CPED1: variants seen among roughly 807,000 people sequenced by gnomAD.
CPED1 encodes the protein cadherin-like and PC-esterase domain-containing protein 1.
CPED1 carries 114 observed loss-of-function variants against 128.2 expected under a neutral mutation model. The observed-to-expected ratio is 0.89, with a 90% CI of 0.76 to 1.04. The LOEUF (loss-of-function observed/expected upper bound fraction) is 1.04, where lower values mean the gene tolerates loss of function less well. CPED1 is among the 50% of genes least tolerant of loss of function. CPED1 has a pLI of 0.00. For synonymous variants in CPED1, 462 were observed against 426.7 expected (o/e 1.08, Z -1.02); for missense variants, 1,211 against 1,207.1 (o/e 1.00, Z -0.05).
intron 3 of CPED1, among the ~76,000 whole-genome samples, chr7:121,045,970 T>C (rs770245755): frequency 3.3e-5 from 5 of 152,156 alleles, no homozygotes; most frequent in African/African-American, 4.8e-5. Flanking sequence ...TAGTTATTCA[T>C]GCATTAGTCA....
intron 3 of CPED1, among the ~76,000 whole-genome samples, chr7:121,037,076 C>T (rs985876399): frequency 6.6e-6 from 1 of 152,046 alleles, no homozygotes; most frequent in African/African-American, 2.4e-5. Flanking sequence ...GATTTTCTTT[C>T]CCTCTGTGGA....
At chr7:121,090,543 G>A (rs571629658) in intron 5 of CPED1, among the ~76,000 whole-genome samples, 1 of 152,332 alleles carries the variant, frequency 6.6e-6, no homozygotes, top group East Asian at 1.9e-4. Flanking sequence ...AGTTGCCTAT[G>A]TTAAGGCTAG....
In CPED1 at chr7:121,296,387, T is replaced by C. The variant is rs575813738; in HGVS notation, c.*735T>C. Reference sequence around the variant, plus strand: ...AACTGCAGTCTGAATTAATGAAATATGTAATTTTAAAGTAAGTAACAAAAT... The same window carrying C: ...AACTGCAGTCTGAATTAATGAAATACGTAATTTTAAAGTAAGTAACAAAAT... On this transcript the variant is annotated 3_prime_UTR_variant, in exon 23 of 23. Transcript: ENST00000310396. The C allele has an allele frequency of 1.1e-4, 17 of 152,318 alleles. No individual in the cohort carries two copies. The highest frequency in any genetic ancestry group is 7.2e-4 in the Admixed American group (11 of 15,302). 9.4% of individuals were successfully genotyped at this position (152,318 alleles called of 1,614,324 possible).
intron 2 of CPED1, among the ~76,000 whole-genome samples, chr7:121,001,664 A>G (rs1791863474): frequency 6.6e-6 from 1 of 152,158 alleles, no homozygotes; most frequent in Admixed American, 6.6e-5. Context: ...CATGTATCTG[A>G]AACAGATCCT....
At chr7:121,260,891 G>A (rs1328494833) in intron 18 of CPED1, among the ~76,000 whole-genome samples, 1 of 152,004 alleles carries the variant, frequency 6.6e-6, no homozygotes, top group African/African-American at 2.4e-5. Flanking sequence ...AAGGAAAAAG[G>A]AAAATGATTT....
chr7:121,167,172 G>T (rs912675550), intron 16 of CPED1, among the ~76,000 whole-genome samples: 1 of 152,170 alleles, frequency 6.6e-6, no homozygotes, highest in Non-Finnish European at 1.5e-5. Flanking sequence ...TAATTTAGAT[G>T]ATTATCTCTA....
chr7:121,060,396 G>GCTC (rs952989723), intron 4 of CPED1, among the ~76,000 whole-genome samples: 2 of 152,250 alleles, frequency 1.3e-5, no homozygotes, highest in African/African-American at 4.8e-5. Context: ...AGCCAGCTGA[G>GCTC]CTCCTGAGTC....
rs191987599 is a variant in CPED1 at position 121,252,689 on chromosome 7, T to C, written c.2310+8351T>C. On this transcript the variant is annotated intron_variant, in intron 18 of 22. Coordinates refer to ENST00000310396, the MANE Select transcript of CPED1 (RefSeq NM_024913.5). ...GACACTTCTCAAAAGAAGACATTTA[T>C]GCAGCCAAAAAACACACGAAAAAAT... Among the ~76,000 whole-genome samples the C allele has an allele frequency of 3.1e-3, 470 of 152,286 alleles. 2 individuals carry two copies. The Middle Eastern group carries it at 0.054, about 18-fold the overall frequency.
chr7:121,202,222 A>G (rs933244946), intron 16 of CPED1, among the ~76,000 whole-genome samples: 2 of 152,110 alleles, frequency 1.3e-5, no homozygotes, highest in African/African-American at 4.8e-5. Flanking sequence ...CAGGCTGAAG[A>G]TCAAAGAACT....
At position 121,133,816 on chromosome 7, in the gene CPED1, T is replaced by A; in HGVS notation, c.1578-7T>A. 6.3e-7 allele frequency: 1 copy of A among 1,588,520 alleles called. No individual in the cohort carries two copies. The highest frequency in any genetic ancestry group is 2.3e-5 in the East Asian group (1 of 44,442). ...TAATCCAGAGTTGTTTGGCATTGCA[T>A]TTGCAGGAATTCTTTCACAGAAGAT... On this transcript the variant is annotated splice_region_variant and splice_polypyrimidine_tract_variant and intron_variant, in intron 12 of 22. Coordinates refer to ENST00000310396, the MANE Select transcript of CPED1 (RefSeq NM_024913.5).
chr7:121,078,498 G>GAAAAAAAA (rs529856618), intron 5 of CPED1, among the ~76,000 whole-genome samples: 58 of 101,866 alleles, frequency 5.7e-4, no homozygotes, highest in Non-Finnish European at 6.7e-4. Flanking sequence ...AAGAAAGAAA[G>GAAAAAAAA]AAAAAAAAAA....
intron 8 of CPED1, among the ~76,000 whole-genome samples, chr7:121,124,905 A>G (rs1795468342): frequency 6.6e-6 from 1 of 152,160 alleles, no homozygotes; most frequent in African/African-American, 2.4e-5. Flanking sequence ...CTATTCCCAT[A>G]TCTGTTTACT....
intron 3 of CPED1, among the ~76,000 whole-genome samples, chr7:121,021,065 A>AT (rs1792426362): frequency 6.6e-6 from 1 of 151,960 alleles, no homozygotes; most frequent in South Asian, 2.1e-4. Flanking sequence ...ATTTATTGGA[A>AT]TTTGTATTGA....
At chr7:120,999,533 C>T (rs1050728982) in intron 2 of CPED1, among the ~76,000 whole-genome samples, 5 of 152,088 alleles carry the variant, frequency 3.3e-5, no homozygotes, top group Admixed American at 6.6e-5. Context: ...ACAGATTGAT[C>T]CTACCTAAAA....
At chr7:121,041,180 A>G (rs543657635) in intron 3 of CPED1, among the ~76,000 whole-genome samples, 11 of 152,102 alleles carry the variant, frequency 7.2e-5, no homozygotes, top group African/African-American at 2.4e-4. Context: ...CTTGCTTTTG[A>G]TTTAATTATA....
chr7:121,162,257 T>A (rs1320606457), intron 16 of CPED1, among the ~76,000 whole-genome samples: 1 of 152,260 alleles, frequency 6.6e-6, no homozygotes, highest in Non-Finnish European at 1.5e-5. Context: ...AGATATTTGC[T>A]GCTACTTTGG....
intron 3 of CPED1, among the ~76,000 whole-genome samples, chr7:121,016,363 T>C (rs1004953294): frequency 3.3e-5 from 5 of 152,168 alleles, no homozygotes; most frequent in African/African-American, 1.2e-4. Context: ...TTTAAACAAG[T>C]TATTTGCAAA....
intron 2 of CPED1, among the ~76,000 whole-genome samples, chr7:121,005,363 T>C (rs1375804759): frequency 6.6e-6 from 1 of 152,254 alleles, no homozygotes; most frequent in Non-Finnish European, 1.5e-5. Context: ...AAGTCTTTGC[T>C]ATTGTGAACA....
chr7:121,092,578 C>T (rs1257673767), intron 5 of CPED1, among the ~76,000 whole-genome samples: 7 of 152,188 alleles, frequency 4.6e-5, no homozygotes, highest in Non-Finnish European at 8.8e-5. Flanking sequence ...CTTCTAACTT[C>T]CAATGGGTGA....
Sources: gnomAD v4.1 joint callset for allele counts (sites outside exome capture counted in the v4.1 genomes callset) on GRCh38, gnomAD v4.1.1 for gene constraint, MANE v1.5 for transcripts, NCBI Gene and HGNC (gene_info 2026-07-23, HGNC 2026-07-21) for gene names.